The following NRG3 variants were observed in gnomAD, a reference collection of about 807,000 sequenced individuals.
NRG3 encodes pro-neuregulin-3, membrane-bound isoform.
In NRG3, 31 loss-of-function variants were observed where a neutral mutation model predicts 66.9. The observed-to-expected ratio is 0.46, with a 90% CI of 0.35 to 0.63. The LOEUF (loss-of-function observed/expected upper bound fraction) is 0.63, where lower values mean the gene tolerates loss of function less well. NRG3 is among the 20% of genes least tolerant of loss of function. The probability of loss-of-function intolerance (pLI) is 0.00; values close to 1 mark genes in which losing one functional copy is unlikely to be tolerated. For missense variants in NRG3, 910 were observed against 878.9 expected (o/e 1.04, Z -0.45); for synonymous variants, 393 against 359.4 (o/e 1.09, Z -1.06).
At chr10:82,821,320 C>G (rs1411917417) in intron 3 of NRG3, among the ~76,000 whole-genome samples, 2 of 152,132 alleles carry the variant, frequency 1.3e-5, no homozygotes, top group East Asian at 3.9e-4. Context: ...GAAATAGCCT[C>G]TGAAAGGGCC....
chr10:82,717,083 A>G (rs1319937451), intron 2 of NRG3, among the ~76,000 whole-genome samples: 3 of 152,284 alleles, frequency 2.0e-5, no homozygotes, highest in South Asian at 2.1e-4. Flanking sequence ...ATTCTGTACC[A>G]CTTATTCCCA....
chr10:82,382,857 A>T (rs2085711298), intron 2 of NRG3, among the ~76,000 whole-genome samples: 2 of 151,998 alleles, frequency 1.3e-5, no homozygotes, highest in South Asian at 4.1e-4. Context: ...ATGGTGTATT[A>T]AACTAATAGT....
chr10:82,524,067 A>G (rs978691745), intron 2 of NRG3, among the ~76,000 whole-genome samples: 18 of 152,042 alleles, frequency 1.2e-4, no homozygotes, highest in African/African-American at 4.3e-4. Flanking sequence ...ATTACCCTGG[A>G]ACATCTCCTT....
At chr10:82,744,365 G>T (rs1053024092) in intron 3 of NRG3, among the ~76,000 whole-genome samples, 2 of 152,150 alleles carry the variant, frequency 1.3e-5, no homozygotes, top group African/African-American at 4.8e-5. Context: ...GTGCTGGCAG[G>T]TTCAGTGTCT....
At chr10:82,008,088 G>A (rs561859491) in intron 1 of NRG3, among the ~76,000 whole-genome samples, 8 of 152,276 alleles carry the variant, frequency 5.3e-5, no homozygotes, top group South Asian at 4.1e-4. Context: ...AATAAAAGTA[G>A]CAAGATCCCA....
intron 4 of NRG3, among the ~76,000 whole-genome samples, chr10:82,870,466 G>A (rs1367254011): frequency 6.6e-6 from 1 of 152,070 alleles, no homozygotes; most frequent in Non-Finnish European, 1.5e-5. Flanking sequence ...ATGACTGCTG[G>A]GTCATATGGG....
At chr10:82,513,045 C>CA (rs1421916553) in intron 2 of NRG3, among the ~76,000 whole-genome samples, 1 of 152,116 alleles carries the variant, frequency 6.6e-6, no homozygotes, top group Admixed American at 6.6e-5. Context: ...CTGCACCTAT[C>CA]AACCGGTCAC....
chr10:82,480,877 A>G (rs1363602432), intron 2 of NRG3, among the ~76,000 whole-genome samples: 1 of 152,240 alleles, frequency 6.6e-6, no homozygotes, highest in African/African-American at 2.4e-5. Flanking sequence ...GGGATTATGA[A>G]TATTTCTGAA....
chr10:82,850,552 A>G (rs1019974434), intron 3 of NRG3, among the ~76,000 whole-genome samples: 4 of 152,234 alleles, frequency 2.6e-5, no homozygotes, highest in African/African-American at 4.8e-5. Context: ...TTGACACCAA[A>G]TAAAATATCA....
chr10:81,968,596 A>G (rs2133347740), intron 1 of NRG3, among the ~76,000 whole-genome samples: 1 of 152,324 alleles, frequency 6.6e-6, no homozygotes, highest in South Asian at 2.1e-4. Flanking sequence ...ATCTTTACGT[A>G]GTGGTATTTC....
intron 2 of NRG3, among the ~76,000 whole-genome samples, chr10:82,499,831 A>G (rs996239011): frequency 3.9e-5 from 6 of 152,322 alleles, no homozygotes; most frequent in African/African-American, 1.2e-4. Context: ...ACCTTCAGGT[A>G]AATTCTCACT....
chr10:82,845,499 A>G (rs939414419), intron 3 of NRG3, among the ~76,000 whole-genome samples: 2 of 152,232 alleles, frequency 1.3e-5, no homozygotes, highest in African/African-American at 2.4e-5. Context: ...TTATACGTGT[A>G]AGGCACAAGG....
intron 2 of NRG3, among the ~76,000 whole-genome samples, chr10:82,375,913 A>G (rs2085200526): frequency 6.6e-6 from 1 of 152,222 alleles, no homozygotes; most frequent in Non-Finnish European, 1.5e-5. Context: ...AACAGCAAGT[A>G]TTTCCTGAGA....
intron 4 of NRG3, among the ~76,000 whole-genome samples, chr10:82,884,068 T>C (rs1842521024): frequency 6.6e-6 from 1 of 152,150 alleles, no homozygotes; most frequent in South Asian, 2.1e-4. Flanking sequence ...ATATTTATCT[T>C]GTAATTTGTT....
At chr10:82,924,131 A>AAAATTG (rs1340736769) in intron 4 of NRG3, among the ~76,000 whole-genome samples, 2 of 151,670 alleles carry the variant, frequency 1.3e-5, no homozygotes, top group East Asian at 3.9e-4. Context: ...ATGGTGAGAG[A>AAAATTG]AAATTGTTGG....
At chr10:82,893,409 G>T (rs1207693324) in intron 4 of NRG3, among the ~76,000 whole-genome samples, 1 of 152,158 alleles carries the variant, frequency 6.6e-6, no homozygotes, top group Non-Finnish European at 1.5e-5. Context: ...ATAGAAGTGG[G>T]CCAGGCGCGG....
intron 5 of NRG3, among the ~76,000 whole-genome samples, chr10:82,958,224 G>A (rs992236804): frequency 6.6e-5 from 10 of 152,142 alleles, no homozygotes; most frequent in East Asian, 3.8e-4. Context: ...AGATCCAATC[G>A]CTGCCACTCA....
intron 2 of NRG3, among the ~76,000 whole-genome samples, chr10:82,410,889 G>A (rs910511367): frequency 2.0e-5 from 3 of 152,052 alleles, no homozygotes; most frequent in African/African-American, 7.2e-5. Context: ...ACAAAGTGAT[G>A]TTGTATCATA....
intron 2 of NRG3, among the ~76,000 whole-genome samples, chr10:82,735,286 G>A (rs965907512): frequency 6.6e-6 from 1 of 152,088 alleles, no homozygotes; most frequent in Non-Finnish European, 1.5e-5. Flanking sequence ...CATGCTCCTT[G>A]TTTTGTAAAA....
Sources: allele counts gnomAD v4.1 joint callset (sites outside exome capture counted in the v4.1 genomes callset), GRCh38; gene constraint gnomAD v4.1.1; transcripts MANE v1.5; gene names NCBI Gene and HGNC (gene_info 2026-07-23, HGNC 2026-07-21).